Variants in FHIT observed in about 807,000 individuals in gnomAD.
FHIT encodes the protein bis(5'-adenosyl)-triphosphatase.
A neutral mutation model predicts 17.9 loss-of-function variants in FHIT; 19 were observed. The ratio of observed to expected loss-of-function variants is 1.06; its 90% confidence interval spans 0.74 to 1.56. The LOEUF is 1.56. FHIT is among the 40% of genes most tolerant of loss of function. The pLI, the probability that FHIT is intolerant of heterozygous loss-of-function variation, is 0.00. For synonymous variants in FHIT, 81 were observed against 69.7 expected (o/e 1.16, Z -0.81); for missense variants, 248 against 189.2 (o/e 1.31, Z -1.82).
intron 5 of FHIT, among the ~76,000 whole-genome samples, chr3:60,040,365 C>T (rs1298198720): frequency 2.6e-5 from 4 of 152,014 alleles, no homozygotes; most frequent in African/African-American, 9.7e-5. Context: ...AGGATGGTCT[C>T]GATCTCTTGA....
At chr3:60,509,579 C>A (rs1205185537) in intron 5 of FHIT, among the ~76,000 whole-genome samples, 1 of 151,560 alleles carries the variant, frequency 6.6e-6, no homozygotes, top group African/African-American at 2.4e-5. Context: ...CCTTAGCCTA[C>A]CACTTAGAAA....
intron 7 of FHIT, among the ~76,000 whole-genome samples, chr3:60,009,161 TTTTATGTGTGTG>T (rs1471721340): frequency 4.5e-4 from 32 of 70,974 alleles, no homozygotes; most frequent in Non-Finnish European, 8.0e-4. Flanking sequence ...TTCTCTGGGA[TTTTATGTGTGTG>T]TGTGTGTGTG....
At chr3:60,854,600 C>G (rs1349414547) in intron 3 of FHIT, among the ~76,000 whole-genome samples, 1 of 145,950 alleles carries the variant, frequency 6.9e-6, no homozygotes, top group Non-Finnish European at 1.5e-5. Context: ...GAGGCTTTCA[C>G]TTTCATTGTC....
chr3:60,338,032 C>T lies in FHIT; in HGVS notation c.103+198828G>A, dbSNP rs76496616. Reference sequence around the variant, plus strand: ...TAATTTTTCAAATAATGTTTCTTTTCGAATTTTTTTTCCCATTTATGTAGA... The same window carrying T: ...TAATTTTTCAAATAATGTTTCTTTTTGAATTTTTTTTCCCATTTATGTAGA... On this transcript the variant is annotated intron_variant, in intron 5 of 9. Coordinates refer to ENST00000492590, the MANE Select transcript of FHIT (RefSeq NM_002012.4). Among the ~76,000 whole-genome samples, 477 of 152,206 alleles carry T rather than the reference C, an allele frequency of 3.1e-3. 1 individual carries two copies. Among genetic ancestry groups the T allele is most frequent in the African/African-American group, 0.011 (443 of 41,528 alleles).
intron 4 of FHIT, among the ~76,000 whole-genome samples, chr3:60,715,687 G>GTTAATACCTAAT (rs2041665761): frequency 6.6e-6 from 1 of 150,622 alleles, no homozygotes; most frequent in Non-Finnish European, 1.5e-5. Flanking sequence ...TGAGTTAATG[G>GTTAATACCTAAT]GTGCAGCACA....
intron 5 of FHIT, among the ~76,000 whole-genome samples, chr3:60,445,590 G>T (rs772133581): frequency 3.9e-4 from 59 of 152,088 alleles, no homozygotes; most frequent in Non-Finnish European, 7.8e-4. Context: ...TGAGAGAGGT[G>T]TGAACAGTCT....
chr3:60,662,649 T>A (rs2040285227), intron 4 of FHIT, among the ~76,000 whole-genome samples: 1 of 152,192 alleles, frequency 6.6e-6, no homozygotes, highest in Admixed American at 6.5e-5. Flanking sequence ...AATATAGGCA[T>A]TTTCACAATA....
chr3:60,842,639 A>ATTTTTTTTT (rs1702771249), intron 3 of FHIT, among the ~76,000 whole-genome samples: 24 of 43,380 alleles, frequency 5.5e-4, no homozygotes, highest in Non-Finnish European at 1.1e-3. Context: ...GTATATATAT[A>ATTTTTTTTT]TATATATTTT....
At chr3:60,511,541 G>A (rs1394841585) in intron 5 of FHIT, among the ~76,000 whole-genome samples, 1 of 152,084 alleles carries the variant, frequency 6.6e-6, no homozygotes, top group Admixed American at 6.5e-5. Context: ...ATAAATAGAA[G>A]AGAAAAATAA....
intron 5 of FHIT, among the ~76,000 whole-genome samples, chr3:60,332,359 G>T (rs1559827667): frequency 6.6e-6 from 1 of 152,196 alleles, no homozygotes; most frequent in Non-Finnish European, 1.5e-5. Flanking sequence ...AAGGAGGTAT[G>T]CTTGGCTATA....
rs147198937 is a variant in FHIT, at chr3:60,051,028, C to T, written c.104-36876G>A. On this transcript the variant is annotated intron_variant, in intron 5 of 9. Transcript: ENST00000492590. ...TTTGTGTCCTCAGAGGGTTCCTATT[C>T]TAGAGGGGACAGCAAAGGAGAAGTA... Among the ~76,000 whole-genome samples, 929 of 152,236 alleles carry T rather than the reference C, an allele frequency of 6.1e-3. 7 individuals are homozygous for T. Among genetic ancestry groups the T allele is most frequent in the African/African-American group, 0.021 (874 of 41,534 alleles).
chr3:60,816,154 T>G (rs964429957), intron 4 of FHIT, among the ~76,000 whole-genome samples: 12 of 152,084 alleles, frequency 7.9e-5, no homozygotes, highest in African/African-American at 2.6e-4. Flanking sequence ...CGTCTTTGAG[T>G]TTTTTAGGAA....
At chr3:61,037,646 A>G (rs1364669706) in intron 3 of FHIT, among the ~76,000 whole-genome samples, 1 of 152,234 alleles carries the variant, frequency 6.6e-6, no homozygotes, top group Admixed American at 6.5e-5. Context: ...GAATGAATTA[A>G]TTATGTTATC....
intron 7 of FHIT, among the ~76,000 whole-genome samples, chr3:59,937,062 A>C (rs1706277274): frequency 6.6e-6 from 1 of 152,168 alleles, no homozygotes; most frequent in African/African-American, 2.4e-5. Flanking sequence ...TTCAGACAAA[A>C]GCCTATGCTG....
At chr3:60,461,033 G>T (rs979137851) in intron 5 of FHIT, among the ~76,000 whole-genome samples, 1 of 152,080 alleles carries the variant, frequency 6.6e-6, no homozygotes, top group Admixed American at 6.6e-5. Context: ...CCCTGGCACA[G>T]AACACTTTCT....
At chr3:59,819,860 C>T (rs1460789194) in intron 8 of FHIT, among the ~76,000 whole-genome samples, 1 of 152,204 alleles carries the variant, frequency 6.6e-6, no homozygotes, top group Non-Finnish European at 1.5e-5. Context: ...GCTCTACCCT[C>T]ATGAATGGAC....
chr3:59,958,187 A>T (rs73839801), intron 7 of FHIT, among the ~76,000 whole-genome samples: 1 of 152,206 alleles, frequency 6.6e-6, no homozygotes, highest in South Asian at 2.1e-4. Context: ...GTTGAAAATC[A>T]TGACAAAATT....
chr3:60,316,200 T>C lies in FHIT; in HGVS notation c.103+220660A>G, dbSNP rs79091679. Among the ~76,000 whole-genome samples the C allele has an allele frequency of 8.9e-3, 1,355 of 152,274 alleles. 21 individuals are homozygous for C. The highest frequency in any genetic ancestry group is 0.032 in the African/African-American group (1,313 of 41,556). Reference sequence around the variant, plus strand: ...ACATGCAGTAAGCTAACTATAAAAATAGAAACTTGACAGTGGGGATGTATG... The same window carrying C: ...ACATGCAGTAAGCTAACTATAAAAACAGAAACTTGACAGTGGGGATGTATG... On this transcript the variant is annotated intron_variant, in intron 5 of 9. Coordinates refer to ENST00000492590, the MANE Select transcript of FHIT (RefSeq NM_002012.4).
intron 5 of FHIT, among the ~76,000 whole-genome samples, chr3:60,070,716 T>C (rs1702729968): frequency 6.6e-6 from 1 of 152,228 alleles, no homozygotes; most frequent in African/African-American, 2.4e-5. Context: ...GGTGCCTCTG[T>C]TCAATATAAG....
Sources: gnomAD v4.1 joint callset for allele counts (sites outside exome capture counted in the v4.1 genomes callset) on GRCh38, gnomAD v4.1.1 for gene constraint, MANE v1.5 for transcripts, NCBI Gene and HGNC (gene_info 2026-07-23, HGNC 2026-07-21) for gene names.